The following TRIM69 variants were observed in gnomAD, a reference collection of about 807,000 sequenced individuals.
The protein encoded by TRIM69 is tripartite motif containing 69.
A neutral mutation model predicts 37.7 loss-of-function variants in TRIM69; 29 were observed. The ratio of observed to expected loss-of-function variants is 0.77; its 90% CI spans 0.57 to 1.05. The LOEUF is 1.05. TRIM69 is among the 50% of genes least tolerant of loss of function. The pLI is 0.00. For synonymous variants in TRIM69, 209 were observed against 212.4 expected (o/e 0.98, Z 0.14); for missense variants, 596 against 579.9 (o/e 1.03, Z -0.28).
intron 1 of TRIM69, among the ~76,000 whole-genome samples, chr15:44,748,403 TA>T (rs2087451265): frequency 6.6e-6 from 1 of 152,194 alleles, no homozygotes; most frequent in South Asian, 2.1e-4. Context: ...TTTACACCAT[TA>T]GACCTTTAGG....
At position 44,755,389 on chromosome 15, in the gene TRIM69, T is replaced by C; in HGVS notation, c.483+13T>C. 6.3e-7 allele frequency: 1 copy of C among 1,592,128 alleles called. No individual in the cohort carries two copies. Among genetic ancestry groups the C allele is most frequent in the Non-Finnish European group, 8.6e-7 (1 of 1,161,810 alleles). On this transcript the variant is annotated intron_variant, in intron 2 of 6. Transcript: ENST00000329464. ...CCATTTCTTCACGGTGGGTGAGCCC[T>C]GGGCCTTGAACAATCCCTTAGAAAA...
intron 6 of TRIM69, among the ~76,000 whole-genome samples, chr15:44,762,132 A>T (rs992185991): frequency 6.6e-6 from 1 of 151,768 alleles, no homozygotes; most frequent in South Asian, 2.1e-4. Context: ...CGCCCGGCTA[A>T]TTTTTTTGCA....
In TRIM69 at chr15:44,755,153, A is replaced by G; in HGVS notation, c.260A>G (p.Tyr87Cys). 1 of 1,614,258 alleles carries G rather than the reference A, an allele frequency of 6.2e-7. No individual in the cohort carries two copies. Among genetic ancestry groups the G allele is most frequent in the South Asian group, 1.1e-5 (1 of 91,088 alleles). ...FCPECKMLCQYNNCTFNPVLD... is the reference protein window; with the variant it reads ...FCPECKMLCQCNNCTFNPVLD... ...CCTGAGTGTAAGATGCTATGTCAGT[A>G]TAACAACTGTACATTCAACCCTGTA... Residue 87 changes from tyrosine to cysteine, a missense_variant, in exon 2 of 7, where the codon TAT (tyrosine) becomes TGT (cysteine). Physicochemically the swap from Tyr to Cys is radical, Grantham distance 194. Transcript: ENST00000329464.
At chr15:44,746,644 G>A (rs976586744) in intron 1 of TRIM69, among the ~76,000 whole-genome samples, 2 of 151,968 alleles carry the variant, frequency 1.3e-5, no homozygotes, top group Non-Finnish European at 2.9e-5. Flanking sequence ...TATCTTTCAG[G>A]AAAGGCATCC....
intron 6 of TRIM69, among the ~76,000 whole-genome samples, chr15:44,760,745 A>T (rs2141145430): frequency 6.6e-6 from 1 of 152,108 alleles, no homozygotes; most frequent in East Asian, 1.9e-4. Flanking sequence ...GATTTTTATC[A>T]CTCCAAAAAG....
In TRIM69 at chr15:44,754,963, A is replaced by C; in HGVS notation, c.70A>C (p.Thr24Pro). The C allele has an allele frequency of 6.2e-7, 1 of 1,614,122 alleles. No individual in the cohort carries two copies. The highest frequency in any genetic ancestry group is 2.2e-5 in the East Asian group (1 of 44,888). ...CTATGTTGAAATGAATGATTCAATC[A>C]CCCACCTACCCTCTAAAGTGGTGAT... ...GDYVEMNDSI[T>P]HLPSKVVIQD... Residue 24 changes from threonine (T) to proline (P), a missense_variant, in exon 2 of 7, where the codon ACC becomes CCC. Thr to Pro is a conservative substitution (Grantham distance 38). Transcript: ENST00000329464.
Position 44,756,390 on chromosome 15 carries a change from G to A in TRIM69, c.506G>A (p.Gly169Asp), listed in dbSNP as rs973650962. Residue 169 changes from glycine to aspartate, a missense_variant, in exon 3 of 7, where the codon GGT becomes GAT. Physicochemically the swap from Gly to Asp is moderately conservative, Grantham distance 94 (BLOSUM62 -1). Transcript: ENST00000329464. ...FFTEELAIQQGQLETTLKELQ... is the reference protein window; with the variant it reads ...FFTEELAIQQDQLETTLKELQ... ...CAGGAGGAGCTTGCCATCCAACAGG[G>A]TCAACTGGAGACAACTCTGAAGGAG... The A allele has an allele frequency of 1.4e-4, 224 of 1,550,672 alleles. No individual in the cohort carries two copies. The highest frequency in any genetic ancestry group is 1.8e-4 in the Non-Finnish European group (204 of 1,146,740).
In TRIM69 at chr15:44,767,254, C is replaced by A; in HGVS notation, c.985C>A (p.Pro329Thr). ...CPGLSPLTLD[P>T]KTAHPNLVLS... ...AGGCCTGTCTCCACTAACTCTGGAC[C>A]CTAAAACAGCTCACCCAAATCTGGT... is the stretch of plus-strand genomic sequence containing the variant. The change falls in exon 7 of 7, where the codon CCT (proline) becomes ACT (threonine). Residue 329 changes from proline (P) to threonine (T), a missense_variant. Physicochemically the swap from Pro to Thr is conservative, Grantham distance 38. Transcript: ENST00000329464. The A allele has an allele frequency of 6.2e-7, 1 of 1,613,554 alleles. No homozygotes were observed. Among genetic ancestry groups the A allele is most frequent in the Non-Finnish European group, 8.5e-7 (1 of 1,179,898 alleles).
chr15:44,767,062 A>AAAAAAAAAAAG lies in TRIM69; in HGVS notation c.962-159_962-158insGAAAAAAAAAA, dbSNP rs2087907606. 1.5e-5 allele frequency among the ~76,000 whole-genome samples: 2 copies of AAAAAAAAAAAG among 133,440 alleles called. 1 individual carries two copies. The highest frequency in any genetic ancestry group is 1.5e-4 in the Admixed American group (2 of 13,362). The allele number at this position is 133,440 out of a possible 152,430, so 87.5% of individuals were successfully genotyped here. On this transcript the variant is annotated intron_variant, in intron 6 of 6. Transcript: ENST00000329464. ...GCAACCTTGTCTGCCTCAAAAAAAA[A>AAAAAAAAAAAG]AAAAAAAAAAAAAAAAAAAAAAGCA...
intron 1 of TRIM69, chr15:44,754,405 G>A (rs2087598810): frequency 6.5e-6 from 1 of 153,548 alleles, no homozygotes; most frequent in Non-Finnish European, 1.4e-5. Flanking sequence ...CTCCCAAAAT[G>A]CTGGGATTAC....
intron 1 of TRIM69, among the ~76,000 whole-genome samples, chr15:44,748,877 A>G (rs572874854): frequency 2.0e-5 from 3 of 147,828 alleles, no homozygotes; most frequent in Admixed American, 1.3e-4. Context: ...AAATGGCTTC[A>G]GTTTAGTATT....
At chr15:44,758,946 AG>A in intron 4 of TRIM69, 92 bp downstream of exon 4, 2 of 1,447,496 alleles carry the variant, frequency 1.4e-6, no homozygotes, top group Non-Finnish European at 1.9e-6. Flanking sequence ...TTTCACATCC[AG>A]GGAAAACAAA....
At chr15:44,752,854 C>CCAA (rs1262001257) in intron 1 of TRIM69, 1 of 152,082 alleles carries the variant, frequency 6.6e-6, no homozygotes, top group African/African-American at 2.4e-5. Flanking sequence ...TGAATTAATG[C>CCAA]CAACTTAGTT....
intron 1 of TRIM69, among the ~76,000 whole-genome samples, chr15:44,752,470 A>G (rs997014519): frequency 6.6e-6 from 1 of 152,118 alleles, no homozygotes; most frequent in Non-Finnish European, 1.5e-5. Flanking sequence ...AACTATTTGT[A>G]TGGATTGTCT....
At chr15:44,755,410 G>C (rs1414578629) in intron 2 of TRIM69, 34 bp downstream of exon 2, 3 of 1,430,104 alleles carry the variant, frequency 2.1e-6, no homozygotes, top group Non-Finnish European at 2.9e-6. Context: ...CAATCCCTTA[G>C]AAAAACTAGG....
rs150729472 is a variant in TRIM69 at position 44,758,780 on chromosome 15, T to C, written c.739T>C (p.Cys247Arg). The C allele has an allele frequency of 1.1e-5, 18 of 1,614,000 alleles. No homozygotes were observed. In the African/African-American group the frequency reaches 2.1e-4, roughly 19 times the overall value. Residue 247 changes from cysteine to arginine, a missense_variant, in exon 4 of 7, where the codon TGT (cysteine) becomes CGT (arginine). Coordinates refer to ENST00000329464, the MANE Select transcript of TRIM69 (RefSeq NM_182985.5). ...ELNLSQLQEQCLLAKDMLVSI... is the reference protein window; with the variant it reads ...ELNLSQLQEQRLLAKDMLVSI... ...GAATCTGAGCCAGCTTCAGGAGCAATGTCTCTTAGCCAAGGATATGTTGGT... is the reference window on the plus strand; with the variant it reads ...GAATCTGAGCCAGCTTCAGGAGCAACGTCTCTTAGCCAAGGATATGTTGGT...
intron 6 of TRIM69, among the ~76,000 whole-genome samples, chr15:44,761,174 T>C (rs1305861904): frequency 6.6e-6 from 1 of 152,214 alleles, no homozygotes; most frequent in Non-Finnish European, 1.5e-5. Context: ...CGCCTCAGCC[T>C]CCCAAAGTGC....
intron 6 of TRIM69, among the ~76,000 whole-genome samples, 165 bp from the exon 7 acceptor site, chr15:44,767,053 CAAAAAAAAAAAAA>C (rs55736812): frequency 7.0e-4 from 17 of 24,318 alleles, no homozygotes; most frequent in African/African-American, 2.0e-3. Context: ...TTGTCTGCCT[CAAAAAAAAAAAAA>C]AAAAAAAAAA....
intron 1 of TRIM69, among the ~76,000 whole-genome samples, chr15:44,740,908 G>C (rs530349602): frequency 6.6e-6 from 1 of 151,982 alleles, no homozygotes; most frequent in Non-Finnish European, 1.5e-5. Flanking sequence ...GCAGATCAAC[G>C]AGACAGAAAG....
Sources: gnomAD v4.1 joint callset for allele counts (sites outside exome capture counted in the v4.1 genomes callset) on GRCh38, gnomAD v4.1.1 for gene constraint, MANE v1.5 for transcripts, NCBI Gene and HGNC (gene_info 2026-07-23, HGNC 2026-07-21) for gene names.